The following TACC2 variants were observed in gnomAD, a reference collection of about 807,000 sequenced individuals.
The protein encoded by TACC2 is transforming acidic coiled-coil-containing protein 2.
In TACC2, 137 loss-of-function variants were observed where a neutral mutation model predicts 227.3. The observed-to-expected ratio is 0.60, with a 90% CI of 0.52 to 0.69. TACC2 has a LOEUF of 0.69. TACC2 is among the 30% of genes least tolerant of loss of function. The pLI, the probability that TACC2 is intolerant of heterozygous loss-of-function variation, is 0.00. For synonymous variants in TACC2, 1,523 were observed against 1,487.5 expected, an observed-to-expected ratio of 1.02 and a Z score of -0.55; for missense variants, 3,470 against 3,694.4, an observed-to-expected ratio of 0.94 and a Z score of 1.57.
At chr10:122,200,035 C>T (rs1250159682) in intron 8 of TACC2, among the ~76,000 whole-genome samples, 1 of 152,250 alleles carries the variant, frequency 6.6e-6, no homozygotes, top group African/African-American at 2.4e-5. Flanking sequence ...CACATTCGGA[C>T]CAGAGCACAC....
intron 5 of TACC2, among the ~76,000 whole-genome samples, chr10:122,098,901 T>C (rs1045217352): frequency 6.6e-6 from 1 of 152,140 alleles, no homozygotes; most frequent in Non-Finnish European, 1.5e-5. Flanking sequence ...CAATATTGTA[T>C]AGGATGCGAA....
intron 9 of TACC2, chr10:122,213,315 C>T (rs1196807406): frequency 6.2e-7 from 1 of 1,608,638 alleles, no homozygotes; most frequent in Admixed American, 1.7e-5. Context: ...CTGTCTGTCT[C>T]TCTTTTTCTT....
rs2080253142 is a variant in TACC2, at chr10:122,087,831, G to T, written c.5331G>T (p.Glu1777Asp). Residue 1777 changes from glutamate (E) to aspartate (D), a missense_variant, in exon 4 of 23, where the codon GAG (glutamate) becomes GAT (aspartate). Glu to Asp is a conservative substitution (Grantham distance 45). Around this residue, in one of 10 missense-constraint regions of TACC2, gnomAD observed 1,924 missense variants for 1,978.3 expected, o/e 0.97. Coordinates refer to ENST00000369005, the MANE Select transcript of TACC2 (RefSeq NM_206862.4). The part of the protein sequence containing the change: ...DSPARPQQAK[E>D]QPGPERPIPA... ...CAGCCAGGCCCCAGCAGGCTAAGGA[G>T]CAGCCAGGGCCTGAGCGCCCCATTC... The T allele has an allele frequency of 6.4e-7, 1 of 1,556,496 alleles. No individual in the cohort carries two copies. The highest frequency in any genetic ancestry group is 1.4e-5 in the African/African-American group (1 of 73,726).
intron 11 of TACC2, among the ~76,000 whole-genome samples, chr10:122,218,402 A>G (rs905779215): frequency 3.3e-5 from 5 of 151,820 alleles, no homozygotes; most frequent in Admixed American, 3.3e-4. Context: ...GGGTGCAGGT[A>G]GATTTTAATC....
At chr10:122,122,309 C>T (rs1177150940) in intron 5 of TACC2, among the ~76,000 whole-genome samples, 3 of 152,030 alleles carry the variant, frequency 2.0e-5, no homozygotes, top group African/African-American at 4.8e-5. Flanking sequence ...GAGCCGAGAT[C>T]GTGCCACTGT....
Position 122,050,582 on chromosome 10 carries a change from C to A in TACC2, c.146+32C>A. On this transcript the variant is annotated intron_variant, in intron 3 of 22. Coordinates refer to ENST00000369005, the MANE Select transcript of TACC2 (RefSeq NM_206862.4). This position sits in a 1 kb window ranked among gnomAD's most constrained non-coding sequence, Gnocchi z 4.6. ...GGCCAGCTCTGGAGGACTGATGCAG[C>A]CCAAGGACTGCCCCGCTCATTGCCT... 1.3e-6 allele frequency: 2 copies of A among 1,536,656 alleles called. No individual in the cohort carries two copies. Among genetic ancestry groups the A allele is most frequent in the Non-Finnish European group, 1.8e-6 (2 of 1,111,040 alleles).
chr10:122,159,842 A>T (rs913427302), intron 7 of TACC2, among the ~76,000 whole-genome samples: 1 of 152,002 alleles, frequency 6.6e-6, no homozygotes, highest in Non-Finnish European at 1.5e-5. Context: ...CTCGGGGTCC[A>T]TTGGTGGTGT....
intron 2 of TACC2, chr10:122,023,826 G>C (rs7080341): frequency 1.4e-5 from 2 of 145,434 alleles, no homozygotes; most frequent in African/African-American, 2.6e-5. Flanking sequence ...TGAGGGGGGG[G>C]AAAAAAAAAG....
chr10:122,212,015 G>C (rs749201375), intron 9 of TACC2, among the ~76,000 whole-genome samples: 12 of 152,360 alleles, frequency 7.9e-5, no homozygotes, highest in Admixed American at 4.6e-4. Context: ...AGCAATCTGG[G>C]AGATCCCATG....
intron 10 of TACC2, among the ~76,000 whole-genome samples, chr10:122,216,336 T>C (rs755119975): frequency 1.1e-4 from 16 of 151,986 alleles, no homozygotes; most frequent in Non-Finnish European, 1.6e-4. Flanking sequence ...GTCACAGTCG[T>C]AAAACTAGCA....
rs1564872914 is a variant in TACC2, at chr10:122,248,997, C to T, written c.8554-53C>T. The T allele has an allele frequency of 2.6e-6, 4 of 1,554,510 alleles. No individual in the cohort carries two copies. In the East Asian group the frequency reaches 6.8e-5, roughly 26 times the overall value. On this transcript the variant is annotated intron_variant, in intron 20 of 22. Transcript: ENST00000369005. Reference sequence around the variant, plus strand: ...AGAGTTCCTGGGGTTCCCACCAGTGCTGGGCATTTGTTCTCGTGGGCTTGA... The same window carrying T: ...AGAGTTCCTGGGGTTCCCACCAGTGTTGGGCATTTGTTCTCGTGGGCTTGA...
chr10:122,042,781 T>C (rs1565143054), intron 2 of TACC2, among the ~76,000 whole-genome samples: 1 of 152,224 alleles, frequency 6.6e-6, no homozygotes, highest in Non-Finnish European at 1.5e-5. Context: ...GCAGTAAAGC[T>C]TGGGTTTCAG....
chr10:122,009,145 C>T (rs1033721350), intron 1 of TACC2, among the ~76,000 whole-genome samples: 7 of 152,158 alleles, frequency 4.6e-5, no homozygotes, highest in African/African-American at 1.7e-4. Context: ...TGACTTTCCT[C>T]TTTTTATTTA....
chr10:122,226,953 C>G (rs1312466682), intron 13 of TACC2, among the ~76,000 whole-genome samples: 1 of 152,336 alleles, frequency 6.6e-6, no homozygotes, highest in Non-Finnish European at 1.5e-5. Flanking sequence ...CCTGTACCCC[C>G]TCCTGGTTGT....
chr10:122,065,701 G>A (rs1445425893), intron 3 of TACC2, among the ~76,000 whole-genome samples: 1 of 152,172 alleles, frequency 6.6e-6, no homozygotes, highest in Non-Finnish European at 1.5e-5. Flanking sequence ...TGAGAGAGGG[G>A]TTTGGAAATA....
At chr10:122,057,392 G>A (rs1165408250) in intron 3 of TACC2, among the ~76,000 whole-genome samples, 2 of 152,078 alleles carry the variant, frequency 1.3e-5, no homozygotes, top group African/African-American at 2.4e-5. Flanking sequence ...CCCGGTGACT[G>A]CCTGGGTGTG....
rs116338887 is a variant in TACC2 at position 122,139,096 on chromosome 10, A to G, written c.5700-4476A>G. Among the ~76,000 whole-genome samples, 935 of 152,304 alleles carry G rather than the reference A, an allele frequency of 6.1e-3. 12 individuals carry two copies. The highest frequency in any genetic ancestry group is 0.02 in the African/African-American group (829 of 41,564). On this transcript the variant is annotated intron_variant, in intron 6 of 22. Coordinates refer to ENST00000369005, the MANE Select transcript of TACC2 (RefSeq NM_206862.4). ...TCCAAGCCAGACCAAAGCCTCGCCT[A>G]TGGTTTTGGGATGGTGTTTATCACT... is the stretch of plus-strand genomic sequence containing the variant.
intron 2 of TACC2, among the ~76,000 whole-genome samples, chr10:122,030,560 G>A (rs1212952496): frequency 6.6e-6 from 1 of 152,008 alleles, no homozygotes; most frequent in Non-Finnish European, 1.5e-5. Context: ...CACTCCAACT[G>A]TTCCTCATTT....
Position 122,083,036 on chromosome 10 carries a change from C to G in TACC2, c.536C>G (p.Pro179Arg), listed in dbSNP as rs765166194. 2 of 1,612,316 alleles carry G rather than the reference C, an allele frequency of 1.2e-6. No homozygotes were observed. Among genetic ancestry groups the G allele is most frequent in the African/African-American group, 1.3e-5 (1 of 74,902 alleles). Reference sequence around the variant, plus strand: ...CCCAGTGCTGGAAGAGAGAGACAGCCGAAGGAAGAAGGACAGAAGTCCTCC... The same window carrying G: ...CCCAGTGCTGGAAGAGAGAGACAGCGGAAGGAAGAAGGACAGAAGTCCTCC... ...AVPSAGRERQ[P>R]KEEGQKSSFS... is the part of the protein sequence containing the mutation. Residue 179 changes from proline to arginine, a missense_variant, in exon 4 of 23, where the codon CCG becomes CGG. This residue lies in a region of TACC2 where 405 missense variants were observed against 389.6 expected (regional missense o/e 1.04). Transcript: ENST00000369005.
Sources: gnomAD v4.1 joint callset for allele counts (sites outside exome capture counted in the v4.1 genomes callset) on GRCh38, gnomAD v4.1.1 for gene constraint, gnomAD v4.1.1 regional missense constraint, Gnocchi (gnomAD v3.1) non-coding constraint, MANE v1.5 for transcripts, NCBI Gene and HGNC (gene_info 2026-07-23, HGNC 2026-07-21) for gene names.